PRDM14: variants seen among roughly 807,000 people sequenced by gnomAD.
The protein encoded by PRDM14 is PR domain zinc finger protein 14.
PRDM14 carries 16 observed loss-of-function variants against 48.0 expected under a neutral mutation model. That is an observed-to-expected ratio of 0.33 (90% CI 0.23 to 0.51). The LOEUF is 0.51. Ranked by LOEUF, PRDM14 falls within the 20% of genes least tolerant of loss-of-function variation. PRDM14 has a pLI of 0.97. For missense variants in PRDM14, 566 were observed against 719.6 expected (o/e 0.79, Z 2.44); for synonymous variants, 264 against 276.6 (o/e 0.95, Z 0.45).
chr8:70,070,872 G>C (rs372353443), intron 1 of PRDM14, among the ~76,000 whole-genome samples: 1 of 152,152 alleles, frequency 6.6e-6, no homozygotes, highest in Non-Finnish European at 1.5e-5. Context: ...AGCCCAATAA[G>C]AAAACCAAGC....
At position 70,069,744 on chromosome 8, in the gene PRDM14, G is replaced by A; in HGVS notation, c.117C>T (p.Tyr39=). The change falls in exon 2 of 8, where the codon TAC becomes TAT. Residue 39 remains tyrosine, a synonymous_variant. Coordinates refer to ENST00000276594, the MANE Select transcript of PRDM14 (RefSeq NM_024504.4). ...CCTCCACGGTGGCCAGGCTGTTTCTGTAGTGTCCATAGGACGGGAAAGGCG... is the reference window on the plus strand; with the variant it reads ...CCTCCACGGTGGCCAGGCTGTTTCTATAGTGTCCATAGGACGGGAAAGGCG... ...YYTPFPSYGH[Y]RNSLATVEED... The A allele has an allele frequency of 6.2e-7, 1 of 1,604,214 alleles. No individual in the cohort carries two copies.
In PRDM14 at chr8:70,052,287, G is replaced by A. The variant is rs141969357; in HGVS notation, c.1506C>T (p.Ser502=). The change falls in exon 8 of 8, where the codon AGC becomes AGT. Residue 502 remains serine, a synonymous_variant. Coordinates refer to ENST00000276594, the MANE Select transcript of PRDM14 (RefSeq NM_024504.4). ...GCTGCCTGATGTGTGTGCGGAGTAT[G>A]CTGGAGGCTGTGAACCTCTGCAGAG... ...VYCTKRFTAS[S]ILRTHIRQHS... The A allele has an allele frequency of 2.0e-5, 32 of 1,612,520 alleles. No homozygotes were observed. The highest frequency in any genetic ancestry group is 2.7e-5 in the Non-Finnish European group (32 of 1,178,938).
At chr8:70,067,102 T>G (rs1207119257) in intron 4 of PRDM14, among the ~76,000 whole-genome samples, 3 of 152,256 alleles carry the variant, frequency 2.0e-5, no homozygotes, top group Admixed American at 6.5e-5. Context: ...TGAGCACATG[T>G]TAATTTCATA....
At chr8:70,057,098 T>C (rs1430333235) in intron 6 of PRDM14, among the ~76,000 whole-genome samples, 2 of 151,404 alleles carry the variant, frequency 1.3e-5, no homozygotes, top group African/African-American at 4.9e-5. Context: ...CCCGAGTAGG[T>C]GGGACTACAG....
At chr8:70,054,277 T>C (rs970479681) in intron 7 of PRDM14, among the ~76,000 whole-genome samples, 1 of 152,196 alleles carries the variant, frequency 6.6e-6, no homozygotes, top group Non-Finnish European at 1.5e-5. Context: ...ATTAAAGTAG[T>C]AATAATAGCA....
chr8:70,069,260 C>G lies in PRDM14; in HGVS notation c.601G>C (p.Asp201His), dbSNP rs753878065. The change falls in exon 2 of 8, where the codon GAC (aspartate) becomes CAC (histidine). Residue 201 changes from aspartate to histidine, a missense_variant. Asp to His is a moderately conservative substitution (Grantham distance 81). Around this residue, in one of 3 missense-constraint regions of PRDM14, gnomAD observed 410 missense variants for 424.6 expected, o/e 0.97. Coordinates refer to ENST00000276594, the MANE Select transcript of PRDM14 (RefSeq NM_024504.4). ...SPARFQFTEEDLHFVLYGVTP... is the reference protein window; with the variant it reads ...SPARFQFTEEHLHFVLYGVTP... ...ACCCCGTACAGAACGAAGTGCAGGT[C>G]CTCCTCCGTGAACTGGAACCGAGCA... 6 of 1,609,042 alleles carry G rather than the reference C, an allele frequency of 3.7e-6. No individual in the cohort carries two copies. Among genetic ancestry groups the G allele is most frequent in the Non-Finnish European group, 5.1e-6 (6 of 1,177,404 alleles).
chr8:70,066,227 G>A lies in PRDM14; in HGVS notation c.1183+8C>T. The A allele has an allele frequency of 6.2e-7, 1 of 1,612,416 alleles. No individual in the cohort carries two copies. ...CCCTCATTGGGCAAGGCGAGGGTGT[G>A]CACTCACCTTCAGAGGGCCCAGATG... On this transcript the variant is annotated splice_region_variant and intron_variant, in intron 5 of 7. Transcript: ENST00000276594.
rs1805524213 is a variant in PRDM14, at chr8:70,058,842, T to G, written c.1184A>C (p.Glu395Ala). Residue 395 changes from glutamate to alanine, a missense_variant and splice_region_variant, in exon 6 of 8, where the codon GAG becomes GCG. Physicochemically the swap from Glu to Ala is moderately radical, Grantham distance 107. This residue lies in a region of PRDM14 where 126 missense variants were observed against 271.6 expected (regional missense o/e 0.46). Transcript: ENST00000276594. ...PGKQPSGPSE[E>A]SAEGYRCERC... The stretch of plus-strand genomic sequence containing the variant: ...TTCACATCTGTAGCCTTCTGCAGAC[T>G]CTGTCAAACACAGCAAACACAATGT... 1 of 1,612,022 alleles carries G rather than the reference T, an allele frequency of 6.2e-7. No individual in the cohort carries two copies. Among genetic ancestry groups the G allele is most frequent in the Non-Finnish European group, 8.5e-7 (1 of 1,178,230 alleles).
chr8:70,067,917 A>C (rs1391994742), intron 4 of PRDM14, among the ~76,000 whole-genome samples: 1 of 152,182 alleles, frequency 6.6e-6, no homozygotes, highest in African/African-American at 2.4e-5. Flanking sequence ...GCACTCTATA[A>C]TATCTAAAGC....
intron 6 of PRDM14, among the ~76,000 whole-genome samples, chr8:70,056,732 T>C (rs1177692638): frequency 6.6e-6 from 1 of 150,806 alleles, no homozygotes; most frequent in Non-Finnish European, 1.5e-5. Context: ...GGTTGGGTGA[T>C]TGTTTGAGCG....
chr8:70,058,760 G>T lies in PRDM14; in HGVS notation c.1266C>A (p.Thr422=), dbSNP rs1805523395. 1.2e-6 allele frequency: 2 copies of T among 1,613,796 alleles called. No individual in the cohort carries two copies. The highest frequency in any genetic ancestry group is 2.2e-5 in the East Asian group (1 of 44,870). Residue 422 remains threonine, a synonymous_variant, in exon 6 of 8, where the codon ACC becomes ACA. Transcript: ENST00000276594. ...TCCTATCGCCCTTGTCCACACAGGG[G>T]GTGTACTTGAGGTGCTTATCTCTGT... The part of the protein sequence containing the change: ...KYYRDKHLKY[T]PCVDKGDRKF...
intron 1 of PRDM14, among the ~76,000 whole-genome samples, 167 bp from the exon 2 acceptor site, chr8:70,070,051 G>GA (rs1805741096): frequency 6.6e-6 from 1 of 152,012 alleles, no homozygotes; most frequent in Non-Finnish European, 1.5e-5. Flanking sequence ...AAGACAAAAC[G>GA]AAAAAACAGC....
At chr8:70,057,517 A>C (rs1257659713) in intron 6 of PRDM14, among the ~76,000 whole-genome samples, 2 of 152,006 alleles carry the variant, frequency 1.3e-5, no homozygotes, top group Non-Finnish European at 2.9e-5. Context: ...TTTTTAGTAG[A>C]GATGGGGTTT....
rs760005797 is a variant in PRDM14 at position 70,055,419 on chromosome 8, A to T, written c.1387-18T>A. 2 of 1,390,544 alleles carry T rather than the reference A, an allele frequency of 1.4e-6. No homozygotes were observed. The highest frequency in any genetic ancestry group is 2.3e-5 in the South Asian group (2 of 86,320). 86.1% of individuals were successfully genotyped at this position (1,390,544 alleles called of 1,614,324 possible). On this transcript the variant is annotated intron_variant, in intron 6 of 7. Transcript: ENST00000276594. The stretch of plus-strand genomic sequence containing the variant: ...GTAGAACACTAAGGTGAAAAAGAAA[A>T]ATATAGTTGAAATCACACCTTCCTC...
intron 5 of PRDM14, 72 bp from the exon 6 acceptor site, chr8:70,058,914 T>C (rs1026311732): frequency 1.2e-5 from 15 of 1,235,870 alleles, no homozygotes; most frequent in Non-Finnish European, 1.7e-5. Context: ...GATATTTATT[T>C]ATTTATTTAT....
At chr8:70,067,113 A>G (rs1489457617) in intron 4 of PRDM14, among the ~76,000 whole-genome samples, 12 of 152,228 alleles carry the variant, frequency 7.9e-5, no homozygotes, top group African/African-American at 2.4e-5. Context: ...TAATTTCATA[A>G]GCAGAGGTAA....
intron 5 of PRDM14, among the ~76,000 whole-genome samples, chr8:70,059,085 G>C (rs1213208100): frequency 6.6e-6 from 1 of 151,898 alleles, no homozygotes; most frequent in Non-Finnish European, 1.5e-5. Flanking sequence ...CTCCCAAGTA[G>C]CTGGGATTAC....
At chr8:70,065,981 G>A (rs1805660778) in intron 5 of PRDM14, among the ~76,000 whole-genome samples, 1 of 152,060 alleles carries the variant, frequency 6.6e-6, no homozygotes, top group Non-Finnish European at 1.5e-5. Flanking sequence ...CTCTTGGGGT[G>A]GAAGGTAGGG....
In PRDM14 at chr8:70,068,074, C is replaced by T. The variant is rs1805701681; in HGVS notation, c.912+156G>A. ...CTATCCTCATGGAGCAAACACTGGC[C>T]GTTCCTTCCTTTTACAGGCAACACA... On this transcript the variant is annotated intron_variant, in intron 4 of 7. Transcript: ENST00000276594. Among the ~76,000 whole-genome samples, 6 of 152,116 alleles carry T rather than the reference C, an allele frequency of 3.9e-5. 1 individual carries two copies. The South Asian group carries it at 6.2e-4, about 16-fold the overall frequency.
Sources: gnomAD v4.1 joint callset for allele counts (sites outside exome capture counted in the v4.1 genomes callset) on GRCh38, gnomAD v4.1.1 for gene constraint, gnomAD v4.1.1 regional missense constraint, MANE v1.5 for transcripts, NCBI Gene and HGNC (gene_info 2026-07-23, HGNC 2026-07-21) for gene names.